Variants in GPR158 observed in about 807,000 individuals in gnomAD.
GPR158 encodes the protein G protein-coupled receptor 158, also known as metabotropic glycine receptor.
A neutral mutation model predicts 78.2 loss-of-function variants in GPR158; 30 were observed. The ratio of observed to expected loss-of-function variants is 0.38; its 90% CI spans 0.29 to 0.52. GPR158 has a LOEUF of 0.52. Ranked by LOEUF, GPR158 falls within the 20% of genes least tolerant of loss-of-function variation. The pLI is 0.83. For synonymous variants in GPR158, 581 were observed against 591.1 expected, an observed-to-expected ratio of 0.98 and a Z score of 0.25; for missense variants, 1,463 against 1,523.5, an observed-to-expected ratio of 0.96 and a Z score of 0.66.
chr10:25,268,689 A>G (rs1005357729), intron 2 of GPR158, among the ~76,000 whole-genome samples: 3 of 152,188 alleles, frequency 2.0e-5, no homozygotes, highest in Non-Finnish European at 2.9e-5. Context: ...GCACACTTCT[A>G]TAGTCCACAT....
In GPR158 at chr10:25,176,076, A is replaced by G; in HGVS notation, c.656A>G (p.Glu219Gly). Residue 219 changes from glutamate (E) to glycine (G), a missense_variant, in exon 1 of 11, where the codon GAG becomes GGG. Glu to Gly is a moderately conservative substitution (Grantham distance 98). Coordinates refer to ENST00000376351, the MANE Select transcript of GPR158 (RefSeq NM_020752.3). This position sits in a 1 kb window ranked among gnomAD's most constrained non-coding sequence, Gnocchi z 6.3. The stretch of plus-strand genomic sequence containing the variant: ...CCCCACCTGGCCAACGCCACTCTGG[A>G]GACCGAGTGGTTCCACGGCCTCCGG... Reference protein sequence around the residue: ...SAPHLANATLETEWFHGLRRK... With the variant: ...SAPHLANATLGTEWFHGLRRK... 6.2e-7 allele frequency: 1 copy of G among 1,600,478 alleles called. No homozygotes were observed. Among genetic ancestry groups the G allele is most frequent in the Non-Finnish European group, 8.5e-7 (1 of 1,174,124 alleles).
At chr10:25,188,223 A>G (rs1270510875) in intron 1 of GPR158, among the ~76,000 whole-genome samples, 3 of 152,078 alleles carry the variant, frequency 2.0e-5, no homozygotes, top group Non-Finnish European at 4.4e-5. Flanking sequence ...GTAAATTATA[A>G]ATTCAGTGCC....
intron 1 of GPR158, among the ~76,000 whole-genome samples, chr10:25,219,858 C>T (rs1853274763): frequency 1.3e-5 from 2 of 152,114 alleles, no homozygotes; most frequent in Admixed American, 1.3e-4. Flanking sequence ...TACTATATTC[C>T]TGTTTTGAGA....
intron 8 of GPR158, among the ~76,000 whole-genome samples, chr10:25,593,187 G>C (rs143481563): frequency 3.9e-5 from 6 of 151,928 alleles, no homozygotes; most frequent in South Asian, 2.1e-4. Context: ...TAACTGCTGA[G>C]CTTCCATTTT....
chr10:25,506,473 G>T (rs1382152776), intron 5 of GPR158, among the ~76,000 whole-genome samples: 1 of 152,146 alleles, frequency 6.6e-6, no homozygotes, highest in African/African-American at 2.4e-5. Context: ...AAGTAAAGAA[G>T]AAAGTCATCT....
intron 2 of GPR158, among the ~76,000 whole-genome samples, chr10:25,389,197 A>G (rs1834260697): frequency 6.6e-6 from 1 of 152,154 alleles, no homozygotes. Context: ...AGACCTGTCC[A>G]TGGCCACCCA....
At chr10:25,512,727 G>GTTTTTTTTTTTTTTTTTTTTTTTTTTTTT (rs1564475623) in intron 5 of GPR158, among the ~76,000 whole-genome samples, 1 of 147,086 alleles carries the variant, frequency 6.8e-6, no homozygotes, top group African/African-American at 2.7e-5. Context: ...TTTGCTGAGA[G>GTTTTTTTTTTTTTTTTTTTTTTTTTTTTT]TTTTAATCAT....
intron 2 of GPR158, among the ~76,000 whole-genome samples, chr10:25,369,815 G>T (rs1437325892): frequency 2.0e-5 from 3 of 152,048 alleles, no homozygotes; most frequent in Non-Finnish European, 4.4e-5. Flanking sequence ...TTTTTGGTTG[G>T]TAAGCTATTG....
chr10:25,437,127 G>A (rs1292011505), intron 4 of GPR158, among the ~76,000 whole-genome samples: 1 of 152,184 alleles, frequency 6.6e-6, no homozygotes. Context: ...CAAACTGTTG[G>A]TAGCTGATAG....
At chr10:25,299,613 C>A (rs961388904) in intron 2 of GPR158, among the ~76,000 whole-genome samples, 5 of 152,018 alleles carry the variant, frequency 3.3e-5, no homozygotes, top group African/African-American at 1.2e-4. Flanking sequence ...TGTGTATATA[C>A]CACATTTTCT....
intron 7 of GPR158, among the ~76,000 whole-genome samples, chr10:25,579,621 AAAC>A (rs1455739486): frequency 7.2e-5 from 11 of 152,192 alleles, no homozygotes; most frequent in Non-Finnish European, 1.5e-4. Context: ...TACCTGCAAG[AAAC>A]AACAAGACCG....
chr10:25,364,977 A>C (rs1855696820), intron 2 of GPR158, among the ~76,000 whole-genome samples: 1 of 151,822 alleles, frequency 6.6e-6, no homozygotes, highest in Non-Finnish European at 1.5e-5. Flanking sequence ...AATAAAGAAT[A>C]AATACAGAAA....
chr10:25,527,032 A>G (rs912678924), intron 5 of GPR158, among the ~76,000 whole-genome samples: 5 of 152,084 alleles, frequency 3.3e-5, no homozygotes, highest in African/African-American at 1.2e-4. Context: ...GGAGATATTC[A>G]CAGAAAAAAA....
intron 6 of GPR158, among the ~76,000 whole-genome samples, chr10:25,567,313 G>C (rs1238078883): frequency 2.0e-5 from 3 of 152,156 alleles, no homozygotes; most frequent in Non-Finnish European, 4.4e-5. Context: ...ACCAATCTTA[G>C]ATCTGCTAGG....
At chr10:25,511,051 G>A (rs1435168051) in intron 5 of GPR158, among the ~76,000 whole-genome samples, 1 of 151,986 alleles carries the variant, frequency 6.6e-6, no homozygotes, top group African/African-American at 2.4e-5. Flanking sequence ...TTTTTTTCTG[G>A]GTAGATACCT....
At chr10:25,363,411 T>C (rs1294226159) in intron 2 of GPR158, among the ~76,000 whole-genome samples, 1 of 151,934 alleles carries the variant, frequency 6.6e-6, no homozygotes, top group African/African-American at 2.4e-5. Context: ...TTGTTAGATG[T>C]GTGACCTAAG....
intron 5 of GPR158, among the ~76,000 whole-genome samples, chr10:25,499,331 C>T (rs995604808): frequency 2.0e-5 from 3 of 152,200 alleles, no homozygotes; most frequent in Admixed American, 6.5e-5. Flanking sequence ...GGGCTCCAAA[C>T]CCTTTTGCAA....
At chr10:25,403,577 T>G (rs1029591044) in intron 3 of GPR158, among the ~76,000 whole-genome samples, 1 of 152,074 alleles carries the variant, frequency 6.6e-6, no homozygotes, top group African/African-American at 2.4e-5. Context: ...AGATTGGCAT[T>G]CTGTGCATGG....
At chr10:25,254,288 G>A (rs1215388464) in intron 2 of GPR158, among the ~76,000 whole-genome samples, 10 of 151,896 alleles carry the variant, frequency 6.6e-5, no homozygotes, top group Admixed American at 5.9e-4. Flanking sequence ...TTTTCTTCAT[G>A]GCAAAACAGG....
Sources: gnomAD v4.1 joint callset for allele counts (sites outside exome capture counted in the v4.1 genomes callset) on GRCh38, gnomAD v4.1.1 for gene constraint, Gnocchi (gnomAD v3.1) non-coding constraint, MANE v1.5 for transcripts, NCBI Gene and HGNC (gene_info 2026-07-23, HGNC 2026-07-21) for gene names.